PLIN3: variants seen among roughly 807,000 people sequenced by gnomAD.
The protein encoded by PLIN3 is perilipin-3.
Under a neutral mutation model 35.9 loss-of-function variants are expected in PLIN3, and 30 were observed. That is an observed-to-expected ratio of 0.84 (90% CI 0.62 to 1.13). The LOEUF (loss-of-function observed/expected upper bound fraction) is 1.13. PLIN3 is among the 50% of genes most tolerant of loss of function. The probability of loss-of-function intolerance (pLI) is 0.00; values close to 1 mark genes in which losing one functional copy is unlikely to be tolerated. For missense variants in PLIN3, 603 were observed against 596.9 expected (o/e 1.01, Z -0.11); for synonymous variants, 261 against 262.5 (o/e 0.99, Z 0.06).
chr19:4,838,730 C>T lies in PLIN3; in HGVS notation c.*462G>A, dbSNP rs922062517. 6.6e-6 allele frequency: 1 copy of T among 152,114 alleles called. No individual in the cohort carries two copies. The highest frequency in any genetic ancestry group is 2.4e-5 in the African/African-American group (1 of 41,284). 9.4% of individuals were successfully genotyped at this position (152,114 alleles called of 1,614,324 possible). A position where few individuals can be genotyped will look rare whatever the true frequency, so the allele number is the denominator to read the frequency against. On this transcript the variant is annotated 3_prime_UTR_variant, in exon 8 of 8. Coordinates refer to ENST00000221957, the MANE Select transcript of PLIN3 (RefSeq NM_005817.5). ...TAACTGGGATAACAGACACCTGCTACCATGCCCGGCTCATTTTTTTTTGTA... is the reference window on the plus strand; with the variant it reads ...TAACTGGGATAACAGACACCTGCTATCATGCCCGGCTCATTTTTTTTTGTA...
chr19:4,841,007 G>C (rs959826584), intron 7 of PLIN3, among the ~76,000 whole-genome samples: 6 of 152,192 alleles, frequency 3.9e-5, no homozygotes, highest in African/African-American at 1.4e-4. Flanking sequence ...TCAGTCAAGA[G>C]GCGGAGAAAT....
rs2146215181 is a variant in PLIN3, at chr19:4,861,348, A to G, written c.47T>C (p.Val16Ala). 6.2e-7 allele frequency: 1 copy of G among 1,613,742 alleles called. No individual in the cohort carries two copies. Among genetic ancestry groups the G allele is most frequent in the South Asian group, 1.1e-5 (1 of 91,072 alleles). The part of the protein sequence containing the change: ...AEADGSTQVT[V>A]EEPVQQPSVV... ...CCTCACCTGCTGTACCGGTTCTTCC[A>G]CTGTCACCTGGGTGCTGCCATCAGC... is the stretch of plus-strand genomic sequence containing the variant. The change falls in exon 2 of 8, where the codon GTG becomes GCG. Residue 16 changes from valine to alanine, a missense_variant. Physicochemically the swap from Val to Ala is moderately conservative, Grantham distance 64. Coordinates refer to ENST00000221957, the MANE Select transcript of PLIN3 (RefSeq NM_005817.5).
At chr19:4,866,401 A>G (rs773847565) in intron 1 of PLIN3, among the ~76,000 whole-genome samples, 147 of 152,256 alleles carry the variant, frequency 9.7e-4, no homozygotes, top group Middle Eastern at 3.4e-3. Context: ...CTTGCTTGCC[A>G]CATCTGTGAA....
intron 6 of PLIN3, among the ~76,000 whole-genome samples, chr19:4,846,057 T>C (rs562401084): frequency 6.6e-6 from 1 of 151,402 alleles, no homozygotes; most frequent in Admixed American, 6.6e-5. Context: ...ACCCCATCTC[T>C]ACTAAAAATA....
At chr19:4,859,736 G>T in intron 3 of PLIN3, 64 bp from the exon 4 acceptor site, 1 of 1,600,290 alleles carries the variant, frequency 6.2e-7, no homozygotes, top group Non-Finnish European at 8.6e-7. Flanking sequence ...GGTTCAGGGG[G>T]ACAGGACCAA....
At chr19:4,853,812 C>A (rs748611272) in intron 4 of PLIN3, among the ~76,000 whole-genome samples, 1 of 151,072 alleles carries the variant, frequency 6.6e-6, no homozygotes, top group African/African-American at 2.4e-5. Context: ...GACTCTGTCT[C>A]CAAAAAAAAA....
At chr19:4,839,645 C>T (rs1344139920) in intron 7 of PLIN3, 109 bp from the exon 8 acceptor site, 2 of 754,762 alleles carry the variant, frequency 2.6e-6, no homozygotes, top group Non-Finnish European at 3.9e-6. Context: ...GACCTTGGGG[C>T]AAACGCTTTC....
intron 7 of PLIN3, 58 bp downstream of exon 7, chr19:4,844,610 G>A: frequency 2.0e-6 from 3 of 1,530,108 alleles, no homozygotes; most frequent in South Asian, 1.3e-5. Flanking sequence ...CAGAGGTGTA[G>A]AGAGTGGCAT....
chr19:4,848,018 C>G, intron 5 of PLIN3, 128 bp from the exon 6 acceptor site: 1 of 747,488 alleles, frequency 1.3e-6, no homozygotes, highest in Non-Finnish European at 2.2e-6. Flanking sequence ...GAGTCTCGCT[C>G]TGTCGCCCAG....
intron 7 of PLIN3, among the ~76,000 whole-genome samples, chr19:4,841,354 C>T (rs1291967605): frequency 3.3e-5 from 5 of 152,140 alleles, no homozygotes; most frequent in South Asian, 2.1e-4. Context: ...CGCGAGAAGC[C>T]GGACACAAAA....
At chr19:4,850,584 C>G (rs2030255315) in intron 5 of PLIN3, among the ~76,000 whole-genome samples, 1 of 138,684 alleles carries the variant, frequency 7.2e-6, no homozygotes, top group African/African-American at 2.8e-5. Flanking sequence ...CCACGCCCGG[C>G]TAATTTTTTT....
rs370999103 is a variant in PLIN3 at position 4,852,331 on chromosome 19, G to A, written c.349-30C>T. 8.4e-5 allele frequency: 134 copies of A among 1,589,694 alleles called. No homozygotes were observed. The African/African-American group carries it at 1.4e-3, about 16-fold the overall frequency. Reference sequence around the variant, plus strand: ...GAGATGCAACAGCATCAGCATCTCTGCCTTCCCTCCATATCTGGGCACCCC... The same window carrying A: ...GAGATGCAACAGCATCAGCATCTCTACCTTCCCTCCATATCTGGGCACCCC... On this transcript the variant is annotated intron_variant, in intron 4 of 7. Coordinates refer to ENST00000221957, the MANE Select transcript of PLIN3 (RefSeq NM_005817.5).
At position 4,839,410 on chromosome 19, in the gene PLIN3, G is replaced by A. The variant is rs149476540; in HGVS notation, c.1087C>T (p.Arg363Cys). The A allele has an allele frequency of 1.5e-4, 240 of 1,609,926 alleles. No individual in the cohort carries two copies. The highest frequency in any genetic ancestry group is 1.9e-4 in the Non-Finnish European group (221 of 1,176,868). Residue 363 changes from arginine (R) to cysteine (C), a missense_variant, in exon 8 of 8, where the codon CGC becomes TGC. By Grantham distance (180) the Arg-to-Cys change is radical. Transcript: ENST00000221957. The stretch of plus-strand genomic sequence containing the variant: ...GCCTGGAGGTCCTCCACCTGGCGGC[G>A]GGCCTGCTGCACCTGGTCCTTCACA... ...TNVKDQVQQA[R>C]RQVEDLQATF... is the part of the protein sequence containing the mutation.
rs1408325744 is a variant in PLIN3, at chr19:4,859,883, G to A, written c.208C>T (p.Leu70Phe). 1 of 1,613,716 alleles carries A rather than the reference G, an allele frequency of 6.2e-7. No individual in the cohort carries two copies. Among genetic ancestry groups the A allele is most frequent in the Non-Finnish European group, 8.5e-7 (1 of 1,180,030 alleles). The change falls in exon 3 of 8, where the codon CTC (leucine) becomes TTC (phenylalanine). Residue 70 changes from leucine to phenylalanine, a missense_variant. Transcript: ENST00000221957. Reference protein sequence around the residue: ...CDAAEKGVRTLTAAAVSGAQP... With the variant: ...CDAAEKGVRTFTAAAVSGAQP... ...GCCCCGCTGACAGCAGCCGCCGTGA[G>A]GGTCCTCACTCCCTTCTCTGCTGCG... is the stretch of plus-strand genomic sequence containing the variant.
chr19:4,861,285 G>T (rs375856758), intron 2 of PLIN3, 44 bp downstream of exon 2: 17 of 1,555,820 alleles, frequency 1.1e-5, no homozygotes, highest in Admixed American at 1.7e-5. Context: ...CCTTGCACGG[G>T]AATCACAGGG....
chr19:4,852,656 T>C (rs2030340620), intron 4 of PLIN3, among the ~76,000 whole-genome samples: 1 of 152,092 alleles, frequency 6.6e-6, no homozygotes, highest in African/African-American at 2.4e-5. Context: ...TTTTTTTTTT[T>C]TGGAGACAGG....
intron 5 of PLIN3, 76 bp downstream of exon 5, chr19:4,851,940 C>A (rs529607715): frequency 2.0e-6 from 3 of 1,469,164 alleles, no homozygotes; most frequent in South Asian, 2.6e-5. Flanking sequence ...TCGGCACAGA[C>A]CCCAGGAGGC....
intron 7 of PLIN3, 38 bp downstream of exon 7, chr19:4,844,630 A>G (rs768112821): frequency 4.8e-5 from 74 of 1,547,150 alleles, no homozygotes; most frequent in Non-Finnish European, 6.2e-5. Context: ...TCGGGACTCC[A>G]AGTACCCTAG....
In PLIN3 at chr19:4,859,511, T is replaced by G. The variant is rs2030592240; in HGVS notation, c.348+79A>C. The G allele has an allele frequency of 2.5e-6, 3 of 1,206,766 alleles. No individual in the cohort carries two copies. In the East Asian group the frequency reaches 7.0e-5, roughly 28 times the overall value. 74.8% of individuals were successfully genotyped at this position (1,206,766 alleles called of 1,614,324 possible). A position where few individuals can be genotyped will look rare whatever the true frequency, so the allele number is the denominator to read the frequency against. On this transcript the variant is annotated intron_variant, in intron 4 of 7. Coordinates refer to ENST00000221957, the MANE Select transcript of PLIN3 (RefSeq NM_005817.5). ...CAGGGAGGATGCCATCAAGCTTGTCTAGTTAAGCTGGGACCAGCGCACTCC... is the reference window on the plus strand; with the variant it reads ...CAGGGAGGATGCCATCAAGCTTGTCGAGTTAAGCTGGGACCAGCGCACTCC...
Sources: gnomAD v4.1 joint callset for allele counts (sites outside exome capture counted in the v4.1 genomes callset) on GRCh38, gnomAD v4.1.1 for gene constraint, MANE v1.5 for transcripts, NCBI Gene and HGNC (gene_info 2026-07-23, HGNC 2026-07-21) for gene names.